Variants in NEGR1 observed in about 807,000 individuals in gnomAD.
NEGR1 encodes the protein neuronal growth regulator 1.
NEGR1 carries 10 observed loss-of-function variants against 40.9 expected under a neutral mutation model. The ratio of observed to expected loss-of-function variants is 0.24; its 90% CI spans 0.15 to 0.42. NEGR1 has a LOEUF of 0.42. NEGR1 is among the 10% of genes least tolerant of loss of function. The probability of loss-of-function intolerance (pLI) is 1.00; values close to 1 mark genes in which losing one functional copy is unlikely to be tolerated. For synonymous variants in NEGR1, 185 were observed against 166.8 expected (o/e 1.11, Z -0.84); for missense variants, 352 against 438.9 (o/e 0.80, Z 1.77).
chr1:72,017,809 GAGA>G (rs1047303396), intron 1 of NEGR1, among the ~76,000 whole-genome samples: 37 of 152,086 alleles, frequency 2.4e-4, no homozygotes, highest in African/African-American at 8.9e-4. Flanking sequence ...TGAATTAAAG[GAGA>G]AGGATTCTTT....
intron 6 of NEGR1, among the ~76,000 whole-genome samples, chr1:71,503,065 G>A (rs1647009650): frequency 6.6e-6 from 1 of 152,146 alleles, no homozygotes; most frequent in Non-Finnish European, 1.5e-5. Flanking sequence ...ACATTCCCCT[G>A]GATAGTCTGT....
At chr1:71,481,752 T>G (rs974138655) in intron 6 of NEGR1, among the ~76,000 whole-genome samples, 1 of 151,846 alleles carries the variant, frequency 6.6e-6, no homozygotes, top group African/African-American at 2.4e-5. Flanking sequence ...AAGCATTTTT[T>G]GAGGTGCTAT....
intron 6 of NEGR1, among the ~76,000 whole-genome samples, chr1:71,523,656 A>G (rs565396496): frequency 1.3e-5 from 2 of 151,906 alleles, no homozygotes; most frequent in African/African-American, 2.4e-5. Flanking sequence ...AGCGATTTAT[A>G]TGGCAACAGG....
At chr1:71,706,780 C>A (rs970068557) in intron 3 of NEGR1, among the ~76,000 whole-genome samples, 3 of 151,812 alleles carry the variant, frequency 2.0e-5, no homozygotes, top group African/African-American at 7.3e-5. Context: ...AAGGAAAGGA[C>A]CCAATCCTGC....
chr1:72,208,170 A>C (rs897366829), intron 1 of NEGR1, among the ~76,000 whole-genome samples: 1 of 151,664 alleles, frequency 6.6e-6, no homozygotes, highest in African/African-American at 2.4e-5. Flanking sequence ...ATACATATAC[A>C]TGTGTGTGCA....
intron 4 of NEGR1, among the ~76,000 whole-genome samples, chr1:71,631,008 A>G (rs1395221529): frequency 1.3e-5 from 2 of 151,934 alleles, no homozygotes; most frequent in Admixed American, 6.6e-5. Flanking sequence ...GTGCATAGCG[A>G]TTATGAACTG....
chr1:72,074,819 G>T (rs1483150549), intron 1 of NEGR1, among the ~76,000 whole-genome samples: 1 of 152,004 alleles, frequency 6.6e-6, no homozygotes, highest in East Asian at 1.9e-4. Flanking sequence ...CAAAGAAAAT[G>T]ATGATTTCTC....
intron 2 of NEGR1, among the ~76,000 whole-genome samples, chr1:71,876,800 A>T (rs1660444882): frequency 6.6e-6 from 1 of 152,096 alleles, no homozygotes; most frequent in African/African-American, 2.4e-5. Flanking sequence ...GGCATTTGGA[A>T]TCATAATATG....
At chr1:71,641,269 T>C (rs1029409163) in intron 4 of NEGR1, among the ~76,000 whole-genome samples, 3 of 152,062 alleles carry the variant, frequency 2.0e-5, no homozygotes, top group African/African-American at 7.2e-5. Context: ...TGACAGTGTG[T>C]TATAGCTGAT....
chr1:71,873,032 C>A (rs988411981), intron 2 of NEGR1, among the ~76,000 whole-genome samples: 15 of 145,802 alleles, frequency 1.0e-4, no homozygotes, highest in African/African-American at 3.8e-4. Context: ...CTCAGACATA[C>A]TATTTCTTGC....
chr1:71,947,787 A>AAT (rs1553124065), intron 1 of NEGR1, among the ~76,000 whole-genome samples: 1 of 151,574 alleles, frequency 6.6e-6, no homozygotes, highest in South Asian at 2.1e-4. Flanking sequence ...AAAAAAAAAA[A>AAT]ATATGGAAAT....
chr1:71,475,497 G>A (rs1027061728), intron 6 of NEGR1, among the ~76,000 whole-genome samples: 12 of 151,768 alleles, frequency 7.9e-5, no homozygotes, highest in Non-Finnish European at 1.8e-4. Flanking sequence ...ATATGTAACT[G>A]TAATTTTTTT....
chr1:72,088,976 A>G (rs905030119), intron 1 of NEGR1, among the ~76,000 whole-genome samples: 1 of 151,954 alleles, frequency 6.6e-6, no homozygotes, highest in Non-Finnish European at 1.5e-5. Context: ...CGTCTGGCCT[A>G]TACAATGTAG....
chr1:71,693,561 A>AAT (rs1653368007), intron 4 of NEGR1, among the ~76,000 whole-genome samples: 1 of 151,638 alleles, frequency 6.6e-6, no homozygotes, highest in South Asian at 2.1e-4. Context: ...TACATTTACA[A>AAT]ATATATATAA....
intron 1 of NEGR1, among the ~76,000 whole-genome samples, chr1:72,211,813 C>T (rs935462161): frequency 1.1e-4 from 16 of 151,636 alleles, no homozygotes; most frequent in Admixed American, 2.0e-4. Flanking sequence ...TGCCTGAGAA[C>T]TGCCACTGTA....
At chr1:71,897,834 G>A (rs1218192334) in intron 2 of NEGR1, among the ~76,000 whole-genome samples, 5 of 152,060 alleles carry the variant, frequency 3.3e-5, no homozygotes, top group Non-Finnish European at 5.9e-5. Flanking sequence ...ATCTAGAAGC[G>A]CAGGCATAAC....
intron 6 of NEGR1, among the ~76,000 whole-genome samples, chr1:71,531,048 C>T (rs1255359146): frequency 6.6e-6 from 1 of 151,270 alleles, no homozygotes; most frequent in Non-Finnish European, 1.5e-5. Context: ...ACACCCACCC[C>T]ATTTTACAAA....
intron 1 of NEGR1, among the ~76,000 whole-genome samples, chr1:72,225,395 T>G (rs1370152944): frequency 1.3e-5 from 2 of 151,798 alleles, no homozygotes; most frequent in African/African-American, 4.8e-5. Context: ...TAAAACAAAC[T>G]TTTATTTTCT....
At chr1:72,093,703 T>C (rs923602343) in intron 1 of NEGR1, among the ~76,000 whole-genome samples, 2 of 152,200 alleles carry the variant, frequency 1.3e-5, no homozygotes, top group Admixed American at 6.5e-5. Context: ...CATTTAGGCC[T>C]TACTTATAAG....
Sources: allele counts gnomAD v4.1 joint callset (sites outside exome capture counted in the v4.1 genomes callset), GRCh38; gene constraint gnomAD v4.1.1; transcripts MANE v1.5; gene names NCBI Gene and HGNC (gene_info 2026-07-23, HGNC 2026-07-21).